TRIM50: variants seen among roughly 807,000 people sequenced by gnomAD.
The protein encoded by TRIM50 is E3 ubiquitin-protein ligase TRIM50.
A neutral mutation model predicts 44.9 loss-of-function variants in TRIM50; 34 were observed. The observed-to-expected ratio is 0.76, with a 90% confidence interval of 0.58 to 1.01. The LOEUF (loss-of-function observed/expected upper bound fraction) is 1.01. Ranked by LOEUF, TRIM50 falls within the 50% of genes least tolerant of loss-of-function variation. The probability of loss-of-function intolerance (pLI) is 0.00; values close to 1 mark genes in which losing one functional copy is unlikely to be tolerated. For missense variants in TRIM50, 633 were observed against 663.7 expected (o/e 0.95, Z 0.51); for synonymous variants, 307 against 291.1 (o/e 1.05, Z -0.56).
At chr7:73,321,526 G>A (rs1298457728) in intron 2 of TRIM50, among the ~76,000 whole-genome samples, 1 of 152,140 alleles carries the variant, frequency 6.6e-6, no homozygotes, top group Non-Finnish European at 1.5e-5. Context: ...CTTGGACACA[G>A]CACGGATTTG....
intron 1 of TRIM50, among the ~76,000 whole-genome samples, chr7:73,327,082 C>T (rs1322830607): frequency 2.2e-4 from 33 of 152,246 alleles, no homozygotes; most frequent in African/African-American, 6.3e-4. Flanking sequence ...TGAGCCACCG[C>T]GCCTGTCCTG....
chr7:73,314,107 T>G, intron 6 of TRIM50: 1 of 311,292 alleles, frequency 3.2e-6, no homozygotes, highest in Non-Finnish European at 6.1e-6. Context: ...GCCACCCAAG[T>G]TGCCGCAAGG....
Position 73,312,712 on chromosome 7 carries a change from C to T in TRIM50, c.*209G>A. On this transcript the variant is annotated 3_prime_UTR_variant, in exon 7 of 7. Coordinates refer to ENST00000333149, the MANE Select transcript of TRIM50 (RefSeq NM_178125.3). ...TTCAGTGTGTCCCTGGCTGCCAAGGCCTGGGGGCCGAAGTTTACAAATACA... is the reference window on the plus strand; with the variant it reads ...TTCAGTGTGTCCCTGGCTGCCAAGGTCTGGGGGCCGAAGTTTACAAATACA... 3.6e-6 allele frequency: 2 copies of T among 548,358 alleles called. No individual in the cohort carries two copies. The highest frequency in any genetic ancestry group is 6.4e-6 in the Non-Finnish European group (2 of 313,446). 34.0% of individuals were successfully genotyped at this position (548,358 alleles called of 1,614,324 possible).
intron 3 of TRIM50, among the ~76,000 whole-genome samples, 171 bp from the exon 4 acceptor site, chr7:73,319,223 G>C (rs557243055): frequency 2.6e-5 from 4 of 152,334 alleles, no homozygotes; most frequent in Non-Finnish European, 5.9e-5. Context: ...TGCATGGGGA[G>C]CCCTGGCGGT....
chr7:73,324,395 G>A lies in TRIM50; in HGVS notation c.393C>T (p.Arg131=). 1 of 1,613,988 alleles carries A rather than the reference G, an allele frequency of 6.2e-7. No homozygotes were observed. The highest frequency in any genetic ancestry group is 1.1e-5 in the South Asian group (1 of 91,068). ...CTGCACCCTCACTCCCCACCTTCAT[G>A]CGGCTGTAGACGGTGGAGACGGGCG... ...PVTPVSTVYS[R]MKEELAALIS... is the part of the protein sequence containing the mutation. Residue 131 remains arginine (R), a synonymous_variant, in exon 2 of 7, where the codon CGC becomes CGT. Coordinates refer to ENST00000333149, the MANE Select transcript of TRIM50 (RefSeq NM_178125.3).
intron 2 of TRIM50, among the ~76,000 whole-genome samples, chr7:73,322,389 G>A (rs1417526640): frequency 6.6e-6 from 1 of 151,924 alleles, no homozygotes; most frequent in Non-Finnish European, 1.5e-5. Context: ...TCTAAAACAG[G>A]GACCCAAGCT....
intron 1 of TRIM50, among the ~76,000 whole-genome samples, chr7:73,325,150 G>A (rs1242694009): frequency 6.6e-6 from 1 of 151,980 alleles, no homozygotes; most frequent in Non-Finnish European, 1.5e-5. Context: ...GCCCCAGCAT[G>A]CATCCGGACC....
intron 6 of TRIM50, 38 bp downstream of exon 6, chr7:73,316,527 C>T (rs200828004): frequency 3.7e-6 from 6 of 1,611,076 alleles, no homozygotes; most frequent in East Asian, 2.2e-5. Context: ...CTGCCCTGGG[C>T]GGCAGCCCTC....
intron 5 of TRIM50, among the ~76,000 whole-genome samples, chr7:73,317,645 G>A (rs1305886874): frequency 5.3e-5 from 8 of 151,788 alleles, no homozygotes; most frequent in South Asian, 2.1e-4. Context: ...GGTGTAAGCC[G>A]CCATGCCCAG....
In TRIM50 at chr7:73,324,547, G is replaced by A; in HGVS notation, c.241C>T (p.Pro81Ser). The A allele has an allele frequency of 1.2e-6, 2 of 1,614,110 alleles. No homozygotes were observed. Among genetic ancestry groups the A allele is most frequent in the African/African-American group, 1.3e-5 (1 of 75,044 alleles). The change falls in exon 2 of 7, where the codon CCT becomes TCT. Residue 81 changes from proline to serine, a missense_variant. Pro to Ser is a moderately conservative substitution (Grantham distance 74). Coordinates refer to ENST00000333149, the MANE Select transcript of TRIM50 (RefSeq NM_178125.3). ...CAGACCTTGGGCTCCGGGTCCCCAGGGAGCCTCAGGGCTTCGATCACCCTG... is the reference window on the plus strand; with the variant it reads ...CAGACCTTGGGCTCCGGGTCCCCAGAGAGCCTCAGGGCTTCGATCACCCTG... ...LARVIEALRL[P>S]GDPEPKVCVH...
chr7:73,315,665 T>C (rs1804340295), intron 6 of TRIM50, among the ~76,000 whole-genome samples: 1 of 152,206 alleles, frequency 6.6e-6, no homozygotes, highest in Non-Finnish European at 1.5e-5. Context: ...CCTTCTTTTA[T>C]ATAAACCCTA....
chr7:73,324,433 G>T lies in TRIM50; in HGVS notation c.355C>A (p.His119Asn). 6.2e-7 allele frequency: 1 copy of T among 1,613,646 alleles called. No individual in the cohort carries two copies. The highest frequency in any genetic ancestry group is 8.5e-7 in the Non-Finnish European group (1 of 1,180,034). Reference sequence around the variant, plus strand: ...GTGGAGACGGGCGTGACCGGGTGGTGTTGGTGGGAGCCCAGCAGACCGCAG... The same window carrying T: ...GTGGAGACGGGCGTGACCGGGTGGTTTTGGTGGGAGCCCAGCAGACCGCAG... ...GLCGLLGSHQ[H>N]HPVTPVSTVY... Residue 119 changes from histidine to asparagine, a missense_variant, in exon 2 of 7, where the codon CAC (histidine) becomes AAC (asparagine). Transcript: ENST00000333149.
At chr7:73,322,336 G>A (rs1804516115) in intron 2 of TRIM50, among the ~76,000 whole-genome samples, 2 of 152,126 alleles carry the variant, frequency 1.3e-5, no homozygotes, top group African/African-American at 2.4e-5. Flanking sequence ...GCGACAGAGC[G>A]AGACTCTGTC....
chr7:73,315,699 C>T (rs577741792), intron 6 of TRIM50, among the ~76,000 whole-genome samples: 14 of 152,142 alleles, frequency 9.2e-5, no homozygotes, highest in East Asian at 3.9e-4. Flanking sequence ...TGGATGAAAT[C>T]GCTCTGTTAG....
intron 2 of TRIM50, among the ~76,000 whole-genome samples, chr7:73,321,700 C>T (rs1348352662): frequency 6.6e-6 from 1 of 152,204 alleles, no homozygotes; most frequent in Non-Finnish European, 1.5e-5. Flanking sequence ...GAATTTTTGG[C>T]TTGGATCGTG....
chr7:73,324,926 C>T, intron 1 of TRIM50, 121 bp from the exon 2 acceptor site: 1 of 1,495,594 alleles, frequency 6.7e-7, no homozygotes, highest in Non-Finnish European at 9.0e-7. Flanking sequence ...AGTCCTGGAT[C>T]CCAGTCCTAA....
chr7:73,316,928 G>T, intron 5 of TRIM50: 1 of 440,642 alleles, frequency 2.3e-6, no homozygotes, highest in Non-Finnish European at 3.8e-6. Context: ...CAGCAGTGTT[G>T]GTTGGAAAAT....
At chr7:73,322,935 C>T (rs1354461331) in intron 2 of TRIM50, among the ~76,000 whole-genome samples, 2 of 152,222 alleles carry the variant, frequency 1.3e-5, no homozygotes, top group Non-Finnish European at 2.9e-5. Context: ...CCTGCCCACG[C>T]CGGATCCTCC....
Position 73,313,275 on chromosome 7 carries a change from G to C in TRIM50, c.1110C>G (p.Ala370=). The C allele has an allele frequency of 6.2e-7, 1 of 1,603,140 alleles. No homozygotes were observed. The highest frequency in any genetic ancestry group is 8.5e-7 in the Non-Finnish European group (1 of 1,175,712). The stretch of plus-strand genomic sequence containing the variant: ...ACCTGTTCAGCTTGCCCTTACGGCT[G>C]GCTGTGCCCTTGATGACCCCCAGGC... ...DWRLGVIKGT[A]SRKGKLNRSP... Residue 370 remains alanine, a synonymous_variant, in exon 7 of 7, where the codon GCC becomes GCG. Transcript: ENST00000333149. This position sits in a 1 kb window ranked among gnomAD's most constrained non-coding sequence, Gnocchi z 4.9.
Sources: allele counts gnomAD v4.1 joint callset (sites outside exome capture counted in the v4.1 genomes callset), GRCh38; gene constraint gnomAD v4.1.1; non-coding constraint Gnocchi (gnomAD v3.1); transcripts MANE v1.5; gene names NCBI Gene and HGNC (gene_info 2026-07-23, HGNC 2026-07-21).